Variants in CACNA1C observed in about 807,000 individuals in gnomAD.
The protein encoded by CACNA1C is calcium voltage-gated channel subunit alpha1 C, also known as voltage-dependent L-type calcium channel subunit alpha-1C.
CACNA1C carries 30 observed loss-of-function variants against 229.0 expected under a neutral mutation model. The observed-to-expected ratio is 0.13, with a 90% CI of 0.10 to 0.18. CACNA1C has a LOEUF of 0.18. Ranked by LOEUF, CACNA1C falls within the 10% of genes least tolerant of loss-of-function variation. The probability of loss-of-function intolerance (pLI) is 1.00; values close to 1 mark genes in which losing one functional copy is unlikely to be tolerated. For missense variants in CACNA1C, 1,658 were observed against 2,845.0 expected (o/e 0.58, Z 9.49); for synonymous variants, 1,114 against 1,132.5 (o/e 0.98, Z 0.33).
intron 13 of CACNA1C, among the ~76,000 whole-genome samples, chr12:2,579,968 C>G (rs1430093342): frequency 6.6e-6 from 1 of 152,164 alleles, no homozygotes; most frequent in African/African-American, 2.4e-5. Context: ...GTGTTCTACC[C>G]CCAGAGAGGT....
chr12:2,474,712 C>T (rs183481207), intron 5 of CACNA1C, among the ~76,000 whole-genome samples: 1 of 149,052 alleles, frequency 6.7e-6, no homozygotes, highest in Admixed American at 6.8e-5. Context: ...GCTGAGATCA[C>T]GCCATTGCGC....
chr12:2,315,060 A>G (rs1383147081), intron 3 of CACNA1C, among the ~76,000 whole-genome samples: 1 of 152,202 alleles, frequency 6.6e-6, no homozygotes, highest in Non-Finnish European at 1.5e-5. Context: ...TTGCCTTTCT[A>G]TTAGCCTGCA....
chr12:2,058,194 G>T (rs1218157038), intron 1 of CACNA1C, among the ~76,000 whole-genome samples: 3 of 139,360 alleles, frequency 2.2e-5, no homozygotes, highest in African/African-American at 8.9e-5. Context: ...TGCTAAGAAG[G>T]GGTGAGTGGC....
At chr12:2,077,553 C>T (rs144056863) in intron 1 of CACNA1C, among the ~76,000 whole-genome samples, 2 of 152,160 alleles carry the variant, frequency 1.3e-5, no homozygotes, top group African/African-American at 2.4e-5. Context: ...CTCACAACAA[C>T]CCTGTGTTGT....
chr12:2,564,468 C>G (rs2049205541), intron 11 of CACNA1C, among the ~76,000 whole-genome samples: 1 of 152,148 alleles, frequency 6.6e-6, no homozygotes, highest in Non-Finnish European at 1.5e-5. Flanking sequence ...TACTTTGTTT[C>G]TCCTCCTGCC....
In CACNA1C at chr12:2,540,783, C is replaced by T. The variant is rs376380906; in HGVS notation, c.1391-9160C>T. ...TTGAAGGATGGTGAGGAGGGCAGCC[C>T]GGTGTGGTTGGAGTTTCTGCAGGAA... On this transcript the variant is annotated intron_variant, in intron 9 of 46. Coordinates refer to ENST00000399655, the MANE Select transcript of CACNA1C (RefSeq NM_000719.7). Among the ~76,000 whole-genome samples the T allele has an allele frequency of 3.7e-4, 56 of 152,232 alleles. 1 individual carries two copies. The East Asian group carries it at 0.01, about 28-fold the overall frequency.
At chr12:2,326,460 C>T (rs1320629199) in intron 3 of CACNA1C, among the ~76,000 whole-genome samples, 3 of 152,180 alleles carry the variant, frequency 2.0e-5, no homozygotes, top group African/African-American at 7.2e-5. Context: ...AGTACAGAAC[C>T]TTCAGCTGGG....
At chr12:2,059,499 C>T (rs529532533) in intron 1 of CACNA1C, among the ~76,000 whole-genome samples, 1 of 151,724 alleles carries the variant, frequency 6.6e-6, no homozygotes, top group Non-Finnish European at 1.5e-5. Flanking sequence ...GGTTAACTGG[C>T]AAGAAACCCA....
chr12:2,082,907 C>T (rs1354164081), intron 1 of CACNA1C, among the ~76,000 whole-genome samples: 1 of 152,234 alleles, frequency 6.6e-6, no homozygotes, highest in African/African-American at 2.4e-5. Flanking sequence ...TGTACATACA[C>T]ACACTGAATA....
chr12:2,583,100 C>G (rs1414996707), intron 15 of CACNA1C, among the ~76,000 whole-genome samples, 158 bp downstream of exon 15: 1 of 152,204 alleles, frequency 6.6e-6, no homozygotes, highest in Non-Finnish European at 1.5e-5. Context: ...GGGTGGAAAC[C>G]TGCAGCTTTG....
In CACNA1C at chr12:2,045,784, G is replaced by A. The variant is rs2050941746; in HGVS notation, c.140-69440G>A. 2.6e-5 allele frequency among the ~76,000 whole-genome samples: 4 copies of A among 152,044 alleles called. No homozygotes were observed. The South Asian group carries it at 8.3e-4, about 32-fold the overall frequency. On this transcript the variant is annotated intron_variant, in intron 1 of 46. Transcript: ENST00000682462. ...GGGTTGAATAGCAGCCGCTCAGAAT[G>A]TAAGTCCATGTCCTAATCCCCAGAG... is the stretch of plus-strand genomic sequence containing the variant.
At chr12:2,503,677 C>T (rs2099765528) in intron 7 of CACNA1C, among the ~76,000 whole-genome samples, 1 of 152,224 alleles carries the variant, frequency 6.6e-6, no homozygotes, top group African/African-American at 2.4e-5. Context: ...GAGCTCCCCT[C>T]AGCCCCCAGG....
Position 2,346,747 on chromosome 12 carries a change from C to T in CACNA1C, c.478-102229C>T, listed in dbSNP as rs963795993. Reference sequence around the variant, plus strand: ...TTTAGAAATCAGGAGTCAAACGTGACTTGGACATTAAAACTTGATTTTGCA... The same window carrying T: ...TTTAGAAATCAGGAGTCAAACGTGATTTGGACATTAAAACTTGATTTTGCA... On this transcript the variant is annotated intron_variant, in intron 3 of 46. Transcript: ENST00000399655. This position sits in a 1 kb window ranked among gnomAD's most constrained non-coding sequence, Gnocchi z 4.4. Among the ~76,000 whole-genome samples, 6 of 152,140 alleles carry T rather than the reference C, an allele frequency of 3.9e-5. No homozygotes were observed. Among genetic ancestry groups the T allele is most frequent in the Admixed American group, 1.3e-4 (2 of 15,280 alleles).
chr12:2,449,163 G>T lies in CACNA1C; in HGVS notation c.617+48G>T, dbSNP rs1289278860. ...TTCCCTTTATCTTACCAGTGTTGCG[G>T]GACTTTTCCTTAAGTCAGCTGAAGA... On this transcript the variant is annotated intron_variant, in intron 4 of 46. Transcript: ENST00000399655. 2.1e-6 allele frequency: 3 copies of T among 1,408,676 alleles called. No homozygotes were observed. In the African/African-American group the frequency reaches 4.4e-5, roughly 21 times the overall value. 87.3% of individuals were successfully genotyped at this position (1,408,676 alleles called of 1,614,324 possible). A position where few individuals can be genotyped will look rare whatever the true frequency, so the allele number is the denominator to read the frequency against.
At chr12:2,366,672 A>G (rs1275883729) in intron 3 of CACNA1C, among the ~76,000 whole-genome samples, 4 of 152,194 alleles carry the variant, frequency 2.6e-5, no homozygotes, top group African/African-American at 9.6e-5. Context: ...GCAGTCCCCA[A>G]CCTTTTTGGC....
At chr12:2,411,874 T>C (rs1417816598) in intron 3 of CACNA1C, among the ~76,000 whole-genome samples, 1 of 152,194 alleles carries the variant, frequency 6.6e-6, no homozygotes, top group Non-Finnish European at 1.5e-5. Context: ...TTCCTTTCAT[T>C]TGGGGAGAGA....
chr12:2,039,809 T>C (rs1022518449), intron 1 of CACNA1C, among the ~76,000 whole-genome samples: 7 of 151,980 alleles, frequency 4.6e-5, no homozygotes, highest in East Asian at 1.9e-4. Flanking sequence ...TTTTGGACCA[T>C]TGGGCCATAG....
chr12:2,185,587 G>A (rs1016710088), intron 3 of CACNA1C, among the ~76,000 whole-genome samples: 1 of 152,212 alleles, frequency 6.6e-6, no homozygotes, highest in African/African-American at 2.4e-5. Context: ...CATGGACACA[G>A]ACACACATAG....
chr12:2,069,292 A>C (rs75616013), intron 1 of CACNA1C, among the ~76,000 whole-genome samples: 2 of 152,196 alleles, frequency 1.3e-5, no homozygotes, highest in African/African-American at 4.8e-5. Context: ...AGGGTCATCA[A>C]CTTACATCTT....
Sources: allele counts gnomAD v4.1 joint callset (sites outside exome capture counted in the v4.1 genomes callset), GRCh38; gene constraint gnomAD v4.1.1; non-coding constraint Gnocchi (gnomAD v3.1); transcripts MANE v1.5; gene names NCBI Gene and HGNC (gene_info 2026-07-23, HGNC 2026-07-21).